Variants in FGA observed in about 807,000 individuals in gnomAD.
FGA encodes the protein fibrinogen alpha chain, also known as fibrinogen, A alpha polypeptide.
A neutral mutation model predicts 20.3 loss-of-function variants in FGA; 20 were observed. The ratio of observed to expected loss-of-function variants is 0.99; its 90% CI spans 0.69 to 1.43. The LOEUF (loss-of-function observed/expected upper bound fraction) is 1.43. Ranked by LOEUF, FGA falls within the 40% of genes most tolerant of loss-of-function variation. FGA has a pLI of 0.00. For missense variants in FGA, 777 were observed against 784.7 expected, an observed-to-expected ratio of 0.99 and a Z score of 0.12; for synonymous variants, 306 against 281.6, an observed-to-expected ratio of 1.09 and a Z score of -0.87.
chr4:154,584,089 A>AGAAGACAGAGAGCTCCCATTCCCACTTC, downstream of FGA: 2 of 1,369,322 alleles, frequency 1.5e-6, no homozygotes, highest in Non-Finnish European at 2.1e-6. Flanking sequence ...TCTCTAGCAA[A>AGAAGACAGAGAGCTCCCATTCCCACTTC]GAAGACAGAG....
At chr4:154,584,112 C>CACTTCGAAGACAGAGTGCTCCCATTCCA, downstream of FGA, 1 of 1,599,892 alleles carries the variant, frequency 6.3e-7, no homozygotes, top group Middle Eastern at 1.8e-4. Flanking sequence ...CTCCCATTCC[C>CACTTCGAAGACAGAGTGCTCCCATTCCA]ACTTCTTCAG....
Position 154,589,457 on chromosome 4 carries a change from A to C in FGA, c.160T>G (p.Phe54Val). The C allele has an allele frequency of 1.9e-6, 3 of 1,614,086 alleles. No individual in the cohort carries two copies. Among genetic ancestry groups the C allele is most frequent in the Non-Finnish European group, 2.5e-6 (3 of 1,180,000 alleles). Residue 54 changes from phenylalanine (F) to valine (V), a missense_variant, in exon 2 of 5, where the codon TTC becomes GTC. By Grantham distance (50) the Phe-to-Val change is conservative. Transcript: ENST00000403106. ...QSACKDSDWPFCSDEDWNYKC... is the reference protein window; with the variant it reads ...QSACKDSDWPVCSDEDWNYKC... ...CTTACCCAGTCTTCATCAGAGCAGA[A>C]GGGCCAGTCTGAATCTTTGCAGGCA...
chr4:154,585,546 G>A lies in FGA; in HGVS notation c.1883C>T (p.Pro628Leu). The A allele has an allele frequency of 6.2e-7, 1 of 1,614,040 alleles. No individual in the cohort carries two copies. Among genetic ancestry groups the A allele is most frequent in the Non-Finnish European group, 8.5e-7 (1 of 1,179,928 alleles). Reference sequence around the variant, plus strand: ...AGGAGAAGTGTGGATACCTCTGACAGGGCGAGATTTAGCATGGCCTCTCTT... The same window carrying A: ...AGGAGAAGTGTGGATACCTCTGACAAGGCGAGATTTAGCATGGCCTCTCTT... ...STKRGHAKSR[P>L]VRGIHTSPLG... is the part of the protein sequence containing the mutation. The change falls in exon 5 of 5, where the codon CCT (proline) becomes CTT (leucine). Residue 628 changes from proline to leucine, a missense_variant. Pro to Leu is a moderately conservative substitution (Grantham distance 98). Transcript: ENST00000403106.
chr4:154,588,960 GA>G lies in FGA; in HGVS notation c.196del (p.Ser66LeufsTer5). ...AATCAACCCTTTCATCCTGCAGCCAGAAGGGCATTTGTAGTTCTGAAAGTGA... is the reference window on the plus strand; with the variant it reads ...AATCAACCCTTTCATCCTGCAGCCAGAGGGCATTTGTAGTTCTGAAAGTGA... ...SDEDWNYKCP[S>X]GCRMKGLIDE... On this transcript the variant is annotated frameshift_variant, in exon 3 of 5. Transcript: ENST00000403106. LOFTEE classifies it high-confidence loss of function. 1.2e-6 allele frequency: 2 copies of G among 1,613,388 alleles called. No individual in the cohort carries two copies. Among genetic ancestry groups the G allele is most frequent in the Non-Finnish European group, 1.7e-6 (2 of 1,179,468 alleles).
intron 2 of FGA, 33 bp downstream of exon 2, chr4:154,589,401 GGAA>G: frequency 6.2e-7 from 1 of 1,612,798 alleles, no homozygotes; most frequent in South Asian, 1.1e-5. Context: ...AGCATCAGAG[GGAA>G]GGAATCTCCT....
chr4:154,585,946 T>C lies in FGA; in HGVS notation c.1483A>G (p.Met495Val), dbSNP rs200660625. 6.2e-7 allele frequency: 1 copy of C among 1,614,074 alleles called. No homozygotes were observed. The highest frequency in any genetic ancestry group is 2.2e-5 in the East Asian group (1 of 44,876). ...SEDGSDCPEA[M>V]DLGTLSGIGT... ...ATGCCAGACAATGTGCCTAAATCCA[T>C]TGCCTCGGGACAGTCAGAACCATCT... Residue 495 changes from methionine to valine, a missense_variant, in exon 5 of 5, where the codon ATG becomes GTG. Met to Val is a conservative substitution (Grantham distance 21). Transcript: ENST00000403106.
downstream of FGA, chr4:154,584,064 T>C (rs1410846671): frequency 9.7e-6 from 8 of 827,616 alleles, no homozygotes; most frequent in East Asian, 4.5e-4. Flanking sequence ...TTACCTTTTG[T>C]ATTTTCTCTC....
intron 1 of FGA, 108 bp from the exon 2 acceptor site, chr4:154,589,670 A>C (rs1730824855): frequency 8.1e-7 from 1 of 1,233,400 alleles, no homozygotes; most frequent in Middle Eastern, 1.9e-4. Context: ...ACTCTCACAG[A>C]GATTAAGGAG....
rs1390002251 is a variant in FGA at position 154,590,630 on chromosome 4, A to G, written c.54+4T>C. Reference sequence around the variant, plus strand: ...GCAAGAAGAAAAAATGAAAAGGGCCATACCCATGCTGTGCCCACCACACTT... The same window carrying G: ...GCAAGAAGAAAAAATGAAAAGGGCCGTACCCATGCTGTGCCCACCACACTT... On this transcript the variant is annotated splice_donor_region_variant and intron_variant, in intron 1 of 4. Coordinates refer to ENST00000403106, the MANE Select transcript of FGA (RefSeq NM_021871.4). 6.4e-7 allele frequency: 1 copy of G among 1,555,154 alleles called. No individual in the cohort carries two copies. The highest frequency in any genetic ancestry group is 8.7e-7 in the Non-Finnish European group (1 of 1,148,340).
rs1730694350 is a variant in FGA, at chr4:154,585,803, A to G, written c.1626T>C (p.Ser542=). 1 of 1,614,084 alleles carries G rather than the reference A, an allele frequency of 6.2e-7. No homozygotes were observed. The highest frequency in any genetic ancestry group is 1.3e-5 in the African/African-American group (1 of 74,926). The change falls in exon 5 of 5, where the codon AGT becomes AGC. Residue 542 remains serine, a synonymous_variant. Coordinates refer to ENST00000403106, the MANE Select transcript of FGA (RefSeq NM_021871.4). ...FFSPMLGEFV[S]ETESRGSESG... Reference sequence around the variant, plus strand: ...ATTCTGAGCCCCTAGACTCAGTCTCACTGACAAACTCTCCTAACATAGGTG... The same window carrying G: ...ATTCTGAGCCCCTAGACTCAGTCTCGCTGACAAACTCTCCTAACATAGGTG...
In FGA at chr4:154,589,581, A is replaced by C; in HGVS notation, c.55-19T>G. Reference sequence around the variant, plus strand: ...CTGCAGTCTTTAAAGATTCATTCACATACACAAAAGAGAGCAACAGCAATG... The same window carrying C: ...CTGCAGTCTTTAAAGATTCATTCACCTACACAAAAGAGAGCAACAGCAATG... On this transcript the variant is annotated intron_variant, in intron 1 of 4. Transcript: ENST00000403106. The C allele has an allele frequency of 6.2e-7, 1 of 1,611,292 alleles. No homozygotes were observed. The highest frequency in any genetic ancestry group is 1.1e-5 in the South Asian group (1 of 91,084).
In FGA at chr4:154,586,308, G is replaced by T. The variant is rs756131362; in HGVS notation, c.1121C>A (p.Thr374Asn). The stretch of plus-strand genomic sequence containing the variant: ...ACTACCAGATACAGAGCTCTCAGAG[G>T]TCCAGTGCCCAGCACTTCCGCGTTC... ...SSERGSAGHW[T>N]SESSVSGSTG... Residue 374 changes from threonine (T) to asparagine (N), a missense_variant, in exon 5 of 5, where the codon ACC becomes AAC. Coordinates refer to ENST00000403106, the MANE Select transcript of FGA (RefSeq NM_021871.4). 6 of 1,614,048 alleles carry T rather than the reference G, an allele frequency of 3.7e-6. No homozygotes were observed. In the Admixed American group the frequency reaches 8.3e-5, roughly 22 times the overall value.
Position 154,585,385 on chromosome 4 carries a change from C to G in FGA, c.*109G>C. 1 of 1,087,460 alleles carries G rather than the reference C, an allele frequency of 9.2e-7. No homozygotes were observed. The highest frequency in any genetic ancestry group is 2.4e-5 in the Admixed American group (1 of 42,320). The allele number at this position is 1,087,460 out of a possible 1,614,324, so 67.4% of individuals were successfully genotyped here. ...GCCCTGCCCCCAAGGAACTTACAGT[C>G]TAGCACAAAAACAGACCAAAAAAGT... On this transcript the variant is annotated 3_prime_UTR_variant, in exon 5 of 5. Transcript: ENST00000403106.
At chr4:154,587,365 G>T in intron 4 of FGA, 147 bp downstream of exon 4, 1 of 787,582 alleles carries the variant, frequency 1.3e-6, no homozygotes, top group Non-Finnish European at 2.1e-6. Flanking sequence ...CTTCAACTGT[G>T]GAGTGAGGAA....
chr4:154,584,308 C>A, downstream of FGA: 1 of 1,614,098 alleles, frequency 6.2e-7, no homozygotes, highest in Admixed American at 1.7e-5. Flanking sequence ...ATACCACCAG[C>A]CTCCCCCATA....
chr4:154,584,754 C>A (rs1730667788), downstream of FGA: 1 of 1,614,080 alleles, frequency 6.2e-7, no homozygotes, highest in African/African-American at 1.3e-5. Flanking sequence ...CAGAAAAAAT[C>A]TTACTGGATC....
At chr4:154,587,739 A>G (rs113455932) in intron 3 of FGA, 82 bp from the exon 4 acceptor site, 9 of 818,620 alleles carry the variant, frequency 1.1e-5, no homozygotes, top group African/African-American at 1.0e-4. Flanking sequence ...GAAGAAAGGA[A>G]GGAAGGAGAA....
downstream of FGA, chr4:154,584,491 C>G (rs1215156193): frequency 6.2e-7 from 1 of 1,614,046 alleles, no homozygotes; most frequent in African/African-American, 1.3e-5. Context: ...AGCCTCAGAG[C>G]CTACCCGGAA....
At chr4:154,589,352 A>T (rs1239668927) in intron 2 of FGA, 85 bp downstream of exon 2, 1 of 1,532,442 alleles carries the variant, frequency 6.5e-7, no homozygotes, top group African/African-American at 1.4e-5. Context: ...TATTTAAAAA[A>T]GTTTCTGGGA....
Sources: gnomAD v4.1 joint callset for allele counts on GRCh38, gnomAD v4.1.1 for gene constraint, MANE v1.5 for transcripts, NCBI Gene and HGNC (gene_info 2026-07-23, HGNC 2026-07-21) for gene names.